Variants in SORCS1 observed in about 807,000 individuals in gnomAD.
SORCS1 encodes the protein VPS10 domain-containing receptor SorCS1.
In SORCS1, 60 loss-of-function variants were observed where a neutral mutation model predicts 146.1. The ratio of observed to expected loss-of-function variants is 0.41; its 90% confidence interval spans 0.33 to 0.51. SORCS1 has a LOEUF of 0.51. Ranked by LOEUF, SORCS1 falls within the 20% of genes least tolerant of loss-of-function variation. The pLI is 0.21. For synonymous variants in SORCS1, 637 were observed against 584.0 expected (o/e 1.09, Z -1.31); for missense variants, 1,352 against 1,487.6 (o/e 0.91, Z 1.50).
At chr10:106,976,325 G>GTTTTTTTGTTTT (rs1956003658) in intron 1 of SORCS1, among the ~76,000 whole-genome samples, 5 of 90,486 alleles carry the variant, frequency 5.5e-5, no homozygotes, top group Admixed American at 1.1e-4. Context: ...CATCATCTAG[G>GTTTTTTTGTTTT]TTTTTTTGTT....
At chr10:107,086,110 T>A (rs1007470602) in intron 1 of SORCS1, among the ~76,000 whole-genome samples, 9 of 152,200 alleles carry the variant, frequency 5.9e-5, no homozygotes, top group Non-Finnish European at 1.5e-5. Context: ...ATCTGTGTAA[T>A]CTCGTCTAAG....
At chr10:106,949,083 A>G (rs1046743363) in intron 2 of SORCS1, among the ~76,000 whole-genome samples, 1 of 152,216 alleles carries the variant, frequency 6.6e-6, no homozygotes, top group Non-Finnish European at 1.5e-5. Flanking sequence ...CACAATCCAG[A>G]ACACCTCCGG....
At chr10:106,751,570 A>C (rs1452789392) in intron 5 of SORCS1, among the ~76,000 whole-genome samples, 1 of 152,110 alleles carries the variant, frequency 6.6e-6, no homozygotes, top group Non-Finnish European at 1.5e-5. Flanking sequence ...ATTACTCCTT[A>C]GGACAGCCTA....
At chr10:107,049,111 T>C (rs550708505) in intron 1 of SORCS1, among the ~76,000 whole-genome samples, 66 of 151,358 alleles carry the variant, frequency 4.4e-4, no homozygotes, top group African/African-American at 1.6e-3. Flanking sequence ...TTCATGTCCT[T>C]TGTAGGGACA....
chr10:106,589,531 G>T (rs181350960), intron 24 of SORCS1, among the ~76,000 whole-genome samples: 1 of 152,104 alleles, frequency 6.6e-6, no homozygotes, highest in Non-Finnish European at 1.5e-5. Flanking sequence ...CTGATGATCT[G>T]CTATGAGATG....
chr10:107,120,125 C>G (rs1302281804), intron 1 of SORCS1, among the ~76,000 whole-genome samples: 1 of 152,046 alleles, frequency 6.6e-6, no homozygotes, highest in Non-Finnish European at 1.5e-5. Context: ...GTTTATTAGA[C>G]TTTAAATTGG....
chr10:106,747,447 C>T (rs564084744), intron 5 of SORCS1, among the ~76,000 whole-genome samples: 9 of 152,144 alleles, frequency 5.9e-5, no homozygotes, highest in Non-Finnish European at 1.0e-4. Flanking sequence ...TATCTTTGAT[C>T]CTGAGATTCC....
chr10:107,008,756 G>A (rs1957559532), intron 1 of SORCS1, among the ~76,000 whole-genome samples: 1 of 152,162 alleles, frequency 6.6e-6, no homozygotes, highest in South Asian at 2.1e-4. Flanking sequence ...CTAGCACTTT[G>A]GGAGGCCGAG....
intron 6 of SORCS1, among the ~76,000 whole-genome samples, chr10:106,720,426 G>A (rs181996140): frequency 1.3e-5 from 2 of 151,152 alleles, no homozygotes; most frequent in African/African-American, 2.4e-5. Context: ...ATTGTTATAA[G>A]TAAGGCAGCT....
At chr10:107,161,039 C>T (rs1451787656) in intron 1 of SORCS1, among the ~76,000 whole-genome samples, 5 of 152,164 alleles carry the variant, frequency 3.3e-5, no homozygotes, top group African/African-American at 1.2e-4. Context: ...ACTCTAGCAA[C>T]AGTTTCCATC....
chr10:106,981,286 C>A (rs1166027781), intron 1 of SORCS1, among the ~76,000 whole-genome samples: 2 of 152,158 alleles, frequency 1.3e-5, no homozygotes. Flanking sequence ...TAATTGTCTG[C>A]CACCAGGAGT....
At chr10:106,979,000 A>G (rs1193433039) in intron 1 of SORCS1, among the ~76,000 whole-genome samples, 1 of 152,070 alleles carries the variant, frequency 6.6e-6, no homozygotes, top group East Asian at 1.9e-4. Flanking sequence ...TAGTTTGCCA[A>G]CTCCTGGTCT....
At chr10:106,659,644 T>C (rs1468875420) in intron 17 of SORCS1, among the ~76,000 whole-genome samples, 1 of 151,960 alleles carries the variant, frequency 6.6e-6, no homozygotes, top group Non-Finnish European at 1.5e-5. Context: ...GTTTAGAGAG[T>C]TGCACCTCAC....
intron 3 of SORCS1, among the ~76,000 whole-genome samples, chr10:106,795,000 C>G (rs1946486102): frequency 6.6e-6 from 1 of 152,162 alleles, no homozygotes; most frequent in Non-Finnish European, 1.5e-5. Flanking sequence ...TATGTCTGAT[C>G]CTTTATTTCT....
chr10:106,842,430 C>T (rs1022108574), intron 2 of SORCS1, among the ~76,000 whole-genome samples: 3 of 152,084 alleles, frequency 2.0e-5, no homozygotes, highest in South Asian at 2.1e-4. Context: ...GACAGGGTTT[C>T]GCCATGTTGG....
chr10:106,806,880 C>G (rs1216030602), intron 3 of SORCS1, among the ~76,000 whole-genome samples: 1 of 151,998 alleles, frequency 6.6e-6, no homozygotes, highest in Non-Finnish European at 1.5e-5. Context: ...TGCATAATTG[C>G]TTGGCTCTTT....
At chr10:106,949,455 G>C (rs1470338274) in intron 2 of SORCS1, among the ~76,000 whole-genome samples, 2 of 152,110 alleles carry the variant, frequency 1.3e-5, no homozygotes, top group Non-Finnish European at 2.9e-5. Flanking sequence ...GTTCCCTCCA[G>C]CCTGAACCTA....
chr10:106,837,853 T>C (rs1948849007), intron 2 of SORCS1, among the ~76,000 whole-genome samples: 1 of 152,118 alleles, frequency 6.6e-6, no homozygotes, highest in Non-Finnish European at 1.5e-5. Flanking sequence ...GCTCATGTTG[T>C]ATGAAGTGAC....
At chr10:106,832,003 G>A (rs1368103676) in intron 2 of SORCS1, among the ~76,000 whole-genome samples, 1 of 152,112 alleles carries the variant, frequency 6.6e-6, no homozygotes, top group Admixed American at 6.6e-5. Context: ...AATATTTGAG[G>A]AGCATTCCAG....
Sources: allele counts gnomAD v4.1 joint callset (sites outside exome capture counted in the v4.1 genomes callset), GRCh38; gene constraint gnomAD v4.1.1; transcripts MANE v1.5; gene names NCBI Gene and HGNC (gene_info 2026-07-23, HGNC 2026-07-21).